Variants in DRC9 observed in about 807,000 individuals in gnomAD.
DRC9 encodes dynein regulatory complex protein 9.
At chr3:197,913,747 C>T in the DRC9 span, 3 of 943,708 alleles carry the variant, frequency 3.2e-6, no homozygotes, top group Non-Finnish European at 5.2e-6. Context: ...TTATTTTCAA[C>T]CTCAAGTGGA....
chr3:197,897,280 G>A, the DRC9 span, among the ~76,000 whole-genome samples: 3 of 152,046 alleles, frequency 2.0e-5, no homozygotes, highest in African/African-American at 2.4e-5. Flanking sequence ...AAGGAAAGCA[G>A]GTTTGACAAT....
the DRC9 span, among the ~76,000 whole-genome samples, chr3:197,897,925 C>A: frequency 2.8e-3 from 422 of 150,304 alleles, 5 homozygotes; most frequent in African/African-American, 0.01. Context: ...CACCCGCCAC[C>A]ACGCCCAGCT....
the DRC9 span, among the ~76,000 whole-genome samples, chr3:197,929,397 A>G: frequency 2.0e-5 from 3 of 152,212 alleles, no homozygotes; most frequent in Non-Finnish European, 2.9e-5. This position sits in a 1 kb window ranked among gnomAD's most constrained non-coding sequence, Gnocchi z 4.6. Flanking sequence ...AGAGCAGAGC[A>G]TCCATCAGCT....
At chr3:197,945,613 A>G in the DRC9 span, 1,409 of 1,580,126 alleles carry the variant, frequency 8.9e-4, 8 homozygotes, top group African/African-American at 0.017. Context: ...TGGAATTTTA[A>G]ACATACTCTT....
At chr3:197,921,643 G>T in the DRC9 span, among the ~76,000 whole-genome samples, 1 of 151,888 alleles carries the variant, frequency 6.6e-6, no homozygotes, top group Non-Finnish European at 1.5e-5. Context: ...CTGGTTTTCA[G>T]TAACTCTGGG....
At chr3:197,909,975 G>GC in the DRC9 span, among the ~76,000 whole-genome samples, 1 of 152,124 alleles carries the variant, frequency 6.6e-6, no homozygotes, top group Non-Finnish European at 1.5e-5. Context: ...GGGCAACAGA[G>GC]CAAGACTCCT....
the DRC9 span, chr3:197,954,290 G>A: frequency 1.2e-6 from 1 of 806,632 alleles, no homozygotes. Flanking sequence ...CAGAACACTG[G>A]AGAGATAGTA....
the DRC9 span, among the ~76,000 whole-genome samples, chr3:197,899,491 G>A: frequency 6.6e-6 from 1 of 152,192 alleles, no homozygotes; most frequent in Non-Finnish European, 1.5e-5. Context: ...GGAGGCTGAG[G>A]TGGGAGGATT....
At chr3:197,903,621 G>A in the DRC9 span, among the ~76,000 whole-genome samples, 1 of 152,162 alleles carries the variant, frequency 6.6e-6, no homozygotes, top group African/African-American at 2.4e-5. Context: ...GGGCGAGAGA[G>A]CAAGACTCTG....
the DRC9 span, among the ~76,000 whole-genome samples, chr3:197,904,099 TATATATATATA>T: frequency 3.8e-4 from 20 of 52,578 alleles, 1 homozygote; most frequent in African/African-American, 1.2e-3. Flanking sequence ...TATATATATA[TATATATATATA>T]TTTTTTTTTT....
chr3:197,929,757 T>C, the DRC9 span, among the ~76,000 whole-genome samples: 2 of 149,900 alleles, frequency 1.3e-5, no homozygotes, highest in African/African-American at 4.9e-5. The surrounding 1 kb of genome is among the most constrained non-coding windows in gnomAD (Gnocchi z 4.6). Flanking sequence ...GGTGACAGAG[T>C]AACATTTGCT....
chr3:197,944,752 T>A, the DRC9 span, among the ~76,000 whole-genome samples: 1 of 146,250 alleles, frequency 6.8e-6, no homozygotes, highest in African/African-American at 2.5e-5. Context: ...CCGGCCAGTT[T>A]GTGTTTTTAG....
At chr3:197,932,943 ATATATAT>A in the DRC9 span, among the ~76,000 whole-genome samples, 16 of 120,418 alleles carry the variant, frequency 1.3e-4, no homozygotes, top group Admixed American at 1.4e-3. Context: ...TATATGTATA[ATATATAT>A]TATATATTAT....
chr3:197,936,358 G>T, the DRC9 span, among the ~76,000 whole-genome samples: 4 of 151,952 alleles, frequency 2.6e-5, no homozygotes, highest in Non-Finnish European at 4.4e-5. Context: ...TTTTGTTGTT[G>T]CTGTTTTGCT....
chr3:197,954,325 G>T, the DRC9 span: 1 of 704,920 alleles, frequency 1.4e-6, no homozygotes, highest in Non-Finnish European at 2.4e-6. Context: ...GTGTTTGGTT[G>T]TTTGTTTTTT....
the DRC9 span, among the ~76,000 whole-genome samples, chr3:197,930,386 T>G: frequency 6.6e-6 from 1 of 152,128 alleles, no homozygotes; most frequent in East Asian, 1.9e-4. Flanking sequence ...GAAATCAATG[T>G]TAGCATAACA....
chr3:197,953,983 C>T, the DRC9 span: 6 of 1,611,980 alleles, frequency 3.7e-6, no homozygotes, highest in Non-Finnish European at 5.1e-6. Flanking sequence ...TATTCCTCTT[C>T]TTTCCCTTTT....
chr3:197,906,395 T>G, the DRC9 span: 2 of 151,652 alleles, frequency 1.3e-5, 1 homozygote, highest in East Asian at 3.9e-4. Flanking sequence ...ATTAACATAT[T>G]AAAGGAGAAA....
At chr3:197,956,105 T>A in the DRC9 span, 2 of 315,906 alleles carry the variant, frequency 6.3e-6, no homozygotes, top group Non-Finnish European at 6.1e-6. Context: ...CACAGGCTCA[T>A]GCCACCATCC....
Sources: gnomAD v4.1 joint callset for allele counts (sites outside exome capture counted in the v4.1 genomes callset) on GRCh38, gnomAD v4.1.1 for gene constraint, Gnocchi (gnomAD v3.1) non-coding constraint, MANE v1.5 for transcripts, NCBI Gene and HGNC (gene_info 2026-07-23, HGNC 2026-07-21) for gene names.